Variants in CRY1 observed in about 807,000 individuals in gnomAD.
CRY1 encodes cryptochrome circadian regulator 1.
CRY1 carries 45 observed loss-of-function variants against 76.0 expected under a neutral mutation model. The ratio of observed to expected loss-of-function variants is 0.59; its 90% CI spans 0.47 to 0.76. The LOEUF is 0.76. Among genes scored for constraint, CRY1 ranks in the 30% least tolerant of loss-of-function variants. CRY1 has a pLI of 0.00. For missense variants in CRY1, 587 were observed against 716.4 expected, an observed-to-expected ratio of 0.82 and a Z score of 2.06; for synonymous variants, 248 against 244.0, an observed-to-expected ratio of 1.02 and a Z score of -0.15.
chr12:107,041,091 T>TA (rs1952793802), intron 1 of CRY1, among the ~76,000 whole-genome samples: 1 of 152,014 alleles, frequency 6.6e-6, no homozygotes, highest in Non-Finnish European at 1.5e-5. Context: ...GTTCTACACT[T>TA]ACAGAGAGAA....
At chr12:107,013,240 A>G (rs1342606832) in intron 2 of CRY1, among the ~76,000 whole-genome samples, 1 of 152,212 alleles carries the variant, frequency 6.6e-6, no homozygotes, top group East Asian at 1.9e-4. Flanking sequence ...AGAAATTGCC[A>G]TAGCCACCAC....
At chr12:107,082,979 A>G (rs1251387633) in intron 1 of CRY1, among the ~76,000 whole-genome samples, 1 of 152,194 alleles carries the variant, frequency 6.6e-6, no homozygotes, top group East Asian at 1.9e-4. Context: ...GAGAAGAATC[A>G]GATAGACACA....
At chr12:107,048,896 T>C (rs570591337) in intron 1 of CRY1, among the ~76,000 whole-genome samples, 8 of 152,348 alleles carry the variant, frequency 5.3e-5, no homozygotes, top group African/African-American at 1.9e-4. Context: ...CTGGTTTTTT[T>C]CCTCCTGGTT....
chr12:107,078,353 A>G (rs1414632333), intron 1 of CRY1, among the ~76,000 whole-genome samples: 1 of 152,192 alleles, frequency 6.6e-6, no homozygotes, highest in African/African-American at 2.4e-5. Context: ...TTTTTCCTAC[A>G]TAATTGTCAA....
At chr12:107,015,621 C>T (rs1482482307) in intron 2 of CRY1, among the ~76,000 whole-genome samples, 2 of 152,134 alleles carry the variant, frequency 1.3e-5, no homozygotes, top group Non-Finnish European at 2.9e-5. Flanking sequence ...AATTTCAATA[C>T]CTAGATTTAA....
chr12:106,997,651 A>G lies in CRY1; in HGVS notation c.1329T>C (p.Tyr443=). 2 of 1,614,160 alleles carry G rather than the reference A, an allele frequency of 1.2e-6. No individual in the cohort carries two copies. The highest frequency in any genetic ancestry group is 1.1e-5 in the South Asian group (1 of 91,084). ...CTGGTGCATTCCAGGGATCATAGAT[A>G]TATTTTGCAGGGAAGCCTCTTAGGA... ...LPVLRGFPAK[Y]IYDPWNAPEG... The change falls in exon 9 of 13, where the codon TAT becomes TAC. Residue 443 remains tyrosine (Y), a synonymous_variant. Transcript: ENST00000008527.
In CRY1 at chr12:107,022,853, A is replaced by T. The variant is rs1464379103; in HGVS notation, c.159-661T>A. ...AATGCCAGATTAACTTCTAAAAAAA[A>T]AAAAAAAGAAAAGGTTTCATGGAGT... On this transcript the variant is annotated intron_variant, in intron 1 of 12. Transcript: ENST00000008527. Among the ~76,000 whole-genome samples, 11 of 151,914 alleles carry T rather than the reference A, an allele frequency of 7.2e-5. No individual in the cohort carries two copies. In the East Asian group the frequency reaches 1.5e-3, roughly 21 times the overall value.
At chr12:107,058,289 T>TGC (rs1214558676) in intron 1 of CRY1, among the ~76,000 whole-genome samples, 2 of 151,968 alleles carry the variant, frequency 1.3e-5, no homozygotes, top group Middle Eastern at 3.2e-3. Context: ...CAGACACAGA[T>TGC]GCACACACAC....
At chr12:107,035,465 T>G (rs1462967333) in intron 1 of CRY1, among the ~76,000 whole-genome samples, 2 of 152,240 alleles carry the variant, frequency 1.3e-5, no homozygotes, top group Non-Finnish European at 2.9e-5. Context: ...TGATTACAGC[T>G]GCAAACATTT....
Position 107,092,732 on chromosome 12 carries a change from G to C in CRY1, c.158+72C>G. On this transcript the variant is annotated intron_variant, in intron 1 of 12. Transcript: ENST00000008527. ...CCACGTCTAAATTCACAGATTTGGC[G>C]GATCGCATGGAATTCATTAACATCA... is the stretch of plus-strand genomic sequence containing the variant. 3 of 1,579,080 alleles carry C rather than the reference G, an allele frequency of 1.9e-6. No individual in the cohort carries two copies. In the South Asian group the frequency reaches 3.4e-5, roughly 18 times the overall value.
intron 2 of CRY1, among the ~76,000 whole-genome samples, chr12:107,011,117 C>T (rs1435993482): frequency 6.6e-6 from 1 of 152,078 alleles, no homozygotes; most frequent in African/African-American, 2.4e-5. Flanking sequence ...GAGGCCAAGG[C>T]GGGCGGATCA....
chr12:107,020,929 A>G (rs1465278874), intron 2 of CRY1, among the ~76,000 whole-genome samples: 1 of 152,222 alleles, frequency 6.6e-6, no homozygotes, highest in Non-Finnish European at 1.5e-5. Context: ...AAAAGGGAAG[A>G]GATAAGATTA....
intron 1 of CRY1, among the ~76,000 whole-genome samples, chr12:107,076,909 G>A (rs1953261388): frequency 6.6e-6 from 1 of 152,068 alleles, no homozygotes; most frequent in East Asian, 1.9e-4. Context: ...CCTTTGCTAT[G>A]CAACATGCCT....
rs901502088 is a variant in CRY1, at chr12:106,993,143, T to C, written c.1586-107A>G. The C allele has an allele frequency of 4.6e-5, 47 of 1,020,498 alleles. 1 individual carries two copies. In the South Asian group the frequency reaches 6.3e-4, roughly 14 times the overall value. 63.2% of individuals were successfully genotyped at this position (1,020,498 alleles called of 1,614,324 possible). A position where few individuals can be genotyped will look rare whatever the true frequency, so the allele number is the denominator to read the frequency against. On this transcript the variant is annotated intron_variant, in intron 10 of 12. Transcript: ENST00000008527. ...TAGCGCTTGTACTTAAGGTCATTTA[T>C]ATGCTTTTAAGACTAAATCTCAATC...
Position 107,001,735 on chromosome 12 carries a change from G to A in CRY1, c.595+29C>T, listed in dbSNP as rs115638796. 2,776 of 1,485,622 alleles carry A rather than the reference G, an allele frequency of 1.9e-3. 52 individuals carry two copies. The African/African-American group carries it at 0.036, about 20-fold the overall frequency. 92.0% of individuals were successfully genotyped at this position (1,485,622 alleles called of 1,614,324 possible). ...TAATTTATGATTTATTAACTTGCAAGCCTCACACTGACTACAGTTTACACT... is the reference window on the plus strand; with the variant it reads ...TAATTTATGATTTATTAACTTGCAAACCTCACACTGACTACAGTTTACACT... On this transcript the variant is annotated intron_variant, in intron 4 of 12. Coordinates refer to ENST00000008527, the MANE Select transcript of CRY1 (RefSeq NM_004075.5).
At chr12:107,025,854 T>C (rs1364750355) in intron 1 of CRY1, among the ~76,000 whole-genome samples, 7 of 151,598 alleles carry the variant, frequency 4.6e-5, no homozygotes. Context: ...TCCTACCTCA[T>C]ACCCCTTTCT....
intron 1 of CRY1, among the ~76,000 whole-genome samples, chr12:107,039,644 G>A (rs2374663): frequency 0.7 from 106,904 of 152,060 alleles, 38,552 homozygotes; most frequent in East Asian, 0.97. Flanking sequence ...ATTAGCTATT[G>A]TCAAAAAAAT....
At position 107,092,744 on chromosome 12, in the gene CRY1, A is replaced by G; in HGVS notation, c.158+60T>C. The G allele has an allele frequency of 1.9e-6, 3 of 1,596,576 alleles. No individual in the cohort carries two copies. The South Asian group carries it at 3.4e-5, about 18-fold the overall frequency. ...TCACAGATTTGGCGGATCGCATGGAATTCATTAACATCAGACTCATTAAAC... is the reference window on the plus strand; with the variant it reads ...TCACAGATTTGGCGGATCGCATGGAGTTCATTAACATCAGACTCATTAAAC... On this transcript the variant is annotated intron_variant, in intron 1 of 12. Coordinates refer to ENST00000008527, the MANE Select transcript of CRY1 (RefSeq NM_004075.5).
rs1365135429 is a variant in CRY1 at position 107,070,669 on chromosome 12, TA to T, written c.158+22134del. Among the ~76,000 whole-genome samples the T allele has an allele frequency of 9.8e-3, 616 of 62,656 alleles. 4 individuals carry two copies. Among genetic ancestry groups the T allele is most frequent in the South Asian group, 0.025 (34 of 1,376 alleles). 41.1% of individuals were successfully genotyped at this position (62,656 alleles called of 152,430 possible). Reference sequence around the variant, plus strand: ...CCACATCGCTGGATTCTCTTATTTTTATTTATTTATTTATTTATTTATTTAT... The same window carrying T: ...CCACATCGCTGGATTCTCTTATTTTTTTTATTTATTTATTTATTTATTTAT... On this transcript the variant is annotated intron_variant, in intron 1 of 12. Transcript: ENST00000008527.
Sources: allele counts gnomAD v4.1 joint callset (sites outside exome capture counted in the v4.1 genomes callset), GRCh38; gene constraint gnomAD v4.1.1; transcripts MANE v1.5; gene names NCBI Gene and HGNC (gene_info 2026-07-23, HGNC 2026-07-21).